Variants in GAB2 observed in about 807,000 individuals in gnomAD.
GAB2 encodes GRB2 associated binding protein 2.
Under a neutral mutation model 65.5 loss-of-function variants are expected in GAB2, and 26 were observed. The observed-to-expected ratio is 0.40, with a 90% confidence interval of 0.29 to 0.55. GAB2 has a LOEUF of 0.55. Ranked by LOEUF, GAB2 falls within the 20% of genes least tolerant of loss-of-function variation. GAB2 has a pLI of 0.53. For synonymous variants in GAB2, 321 were observed against 329.6 expected, an observed-to-expected ratio of 0.97 and a Z score of 0.28; for missense variants, 884 against 875.8, an observed-to-expected ratio of 1.01 and a Z score of -0.12.
At chr11:78,337,135 C>A (rs180825683) in intron 1 of GAB2, among the ~76,000 whole-genome samples, 5 of 152,272 alleles carry the variant, frequency 3.3e-5, no homozygotes, top group African/African-American at 9.6e-5. Context: ...CAATGTTCAT[C>A]TAATACCTTT....
At chr11:78,384,991 G>C (rs1448369829) in intron 1 of GAB2, among the ~76,000 whole-genome samples, 1 of 152,196 alleles carries the variant, frequency 6.6e-6, no homozygotes, top group Non-Finnish European at 1.5e-5. Flanking sequence ...TCTCTACAAT[G>C]ATGTAATGCA....
intron 1 of GAB2, among the ~76,000 whole-genome samples, chr11:78,289,197 C>T (rs1247172802): frequency 2.6e-5 from 4 of 152,086 alleles, no homozygotes; most frequent in African/African-American, 4.8e-5. Context: ...GCCAGGAGTT[C>T]GAGATTGGCC....
intron 6 of GAB2, among the ~76,000 whole-genome samples, chr11:78,222,480 CT>C (rs1864477681): frequency 6.7e-6 from 1 of 150,252 alleles, no homozygotes; most frequent in Non-Finnish European, 1.5e-5. Flanking sequence ...ATTTTTCTCC[CT>C]CAATTTATGA....
At chr11:78,305,348 C>T (rs1289851734) in intron 1 of GAB2, among the ~76,000 whole-genome samples, 3 of 152,112 alleles carry the variant, frequency 2.0e-5, no homozygotes, top group Non-Finnish European at 4.4e-5. Context: ...AATTGCCCAG[C>T]AGTGTTCTAC....
intron 2 of GAB2, among the ~76,000 whole-genome samples, chr11:78,267,857 CAAAAA>C (rs751533828): frequency 1.3e-3 from 41 of 32,796 alleles, no homozygotes; most frequent in African/African-American, 3.3e-3. Flanking sequence ...GACTCCGTCT[CAAAAA>C]AAAAAAAAAA....
At chr11:78,329,607 A>C (rs1222311265) in intron 1 of GAB2, among the ~76,000 whole-genome samples, 1 of 152,182 alleles carries the variant, frequency 6.6e-6, no homozygotes, top group Non-Finnish European at 1.5e-5. Flanking sequence ...CAACAAGTAC[A>C]AGGCGAGCTG....
At chr11:78,332,629 T>C (rs1445502433) in intron 1 of GAB2, among the ~76,000 whole-genome samples, 1 of 152,220 alleles carries the variant, frequency 6.6e-6, no homozygotes, top group African/African-American at 2.4e-5. Flanking sequence ...AAGAGTCTAA[T>C]GGGATGCAGC....
At chr11:78,249,431 G>A (rs1042410374) in intron 3 of GAB2, among the ~76,000 whole-genome samples, 8 of 152,204 alleles carry the variant, frequency 5.3e-5, no homozygotes, top group Admixed American at 5.2e-4. Flanking sequence ...CTCTGGCAAA[G>A]CCTATCAGCT....
Position 78,225,057 on chromosome 11 carries a change from C to T in GAB2, c.1302+51G>A, listed in dbSNP as rs73509327. 6.4e-3 allele frequency: 7,544 copies of T among 1,185,226 alleles called. 326 individuals are homozygous for T. The African/African-American group carries it at 0.1, about 16-fold the overall frequency. The allele number at this position is 1,185,226 out of a possible 1,614,324, so 73.4% of individuals were successfully genotyped here. A position where few individuals can be genotyped will look rare whatever the true frequency, so the allele number is the denominator to read the frequency against. On this transcript the variant is annotated intron_variant, in intron 5 of 9. Coordinates refer to ENST00000361507, the MANE Select transcript of GAB2 (RefSeq NM_080491.3). The stretch of plus-strand genomic sequence containing the variant: ...TGCTTTTAATTCCATAAGGTGTGAC[C>T]TTTTACCTAACCAGGCCGGCCTGAG...
At chr11:78,335,521 T>A (rs1855982844) in intron 1 of GAB2, among the ~76,000 whole-genome samples, 1 of 152,218 alleles carries the variant, frequency 6.6e-6, no homozygotes, top group African/African-American at 2.4e-5. Flanking sequence ...TGTGTGTTCT[T>A]GGCAGCTTTG....
chr11:78,309,459 C>G (rs1030804779), intron 1 of GAB2, among the ~76,000 whole-genome samples: 2 of 125,422 alleles, frequency 1.6e-5, no homozygotes, highest in African/African-American at 5.4e-5. Flanking sequence ...AACCCTGCCC[C>G]CTGCCTTTTT....
chr11:78,338,918 T>A (rs1433589267), intron 1 of GAB2, among the ~76,000 whole-genome samples: 1 of 152,058 alleles, frequency 6.6e-6, no homozygotes, highest in Non-Finnish European at 1.5e-5. Flanking sequence ...TGATTCCCTG[T>A]ACACCCCCAC....
At chr11:78,407,886 G>A (rs1050113427) in intron 1 of GAB2, among the ~76,000 whole-genome samples, 9 of 151,998 alleles carry the variant, frequency 5.9e-5, no homozygotes, top group African/African-American at 2.2e-4. Context: ...CAGAAGGAAA[G>A]GATGCAGTAT....
chr11:78,278,485 A>G (rs1469000432), intron 2 of GAB2, among the ~76,000 whole-genome samples: 4 of 149,620 alleles, frequency 2.7e-5, no homozygotes, highest in Admixed American at 1.3e-4. Flanking sequence ...AGTTCAAGCA[A>G]TTCTCTCACT....
intron 1 of GAB2, among the ~76,000 whole-genome samples, chr11:78,302,922 C>G (rs933839740): frequency 2.0e-5 from 3 of 152,146 alleles, no homozygotes; most frequent in African/African-American, 7.2e-5. Context: ...GACTATTATT[C>G]TAAGTGAATT....
rs1186383026 is a variant in GAB2, at chr11:78,221,554, A to T, written c.1761+123T>A. Reference sequence around the variant, plus strand: ...AGAAGGGTTTGTAGCAGGAGACTAAATCATGAATAATACAAGGAGTCCCTG... The same window carrying T: ...AGAAGGGTTTGTAGCAGGAGACTAATTCATGAATAATACAAGGAGTCCCTG... On this transcript the variant is annotated intron_variant, in intron 8 of 9. Coordinates refer to ENST00000361507, the MANE Select transcript of GAB2 (RefSeq NM_080491.3). 6 of 537,970 alleles carry T rather than the reference A, an allele frequency of 1.1e-5. No homozygotes were observed. In the Admixed American group the frequency reaches 1.9e-4, roughly 17 times the overall value. The allele number at this position is 537,970 out of a possible 1,614,324, so 33.3% of individuals were successfully genotyped here. A position where few individuals can be genotyped will look rare whatever the true frequency, so the allele number is the denominator to read the frequency against.
In GAB2 at chr11:78,398,041, C is replaced by CACACACACACACACACACAT. The variant is rs57095813; in HGVS notation, c.75+19604_75+19605insATGTGTGTGTGTGTGTGTGT. ...ATAGCTACACACACACACACACACA[C>CACACACACACACACACACAT]ATCCCTGGCCTATACTCAATGTTTT... On this transcript the variant is annotated intron_variant, in intron 1 of 9. Transcript: ENST00000361507. 4.7e-3 allele frequency among the ~76,000 whole-genome samples: 716 copies of CACACACACACACACACACAT among 151,492 alleles called. 5 individuals carry two copies. The highest frequency in any genetic ancestry group is 0.012 in the African/African-American group (507 of 41,034).
chr11:78,263,140 C>T (rs1225064900), intron 2 of GAB2, among the ~76,000 whole-genome samples: 2 of 152,162 alleles, frequency 1.3e-5, no homozygotes, highest in African/African-American at 4.8e-5. Flanking sequence ...AAGTTCATCA[C>T]CAAGGATACA....
At chr11:78,294,642 G>A (rs1866776006) in intron 1 of GAB2, among the ~76,000 whole-genome samples, 2 of 152,254 alleles carry the variant, frequency 1.3e-5, no homozygotes, top group South Asian at 2.1e-4. Flanking sequence ...ATGGGGAAAC[G>A]ATTCCCTATT....
Sources: allele counts gnomAD v4.1 joint callset (sites outside exome capture counted in the v4.1 genomes callset), GRCh38; gene constraint gnomAD v4.1.1; transcripts MANE v1.5; gene names NCBI Gene and HGNC (gene_info 2026-07-23, HGNC 2026-07-21).